MACROD2: variants seen among roughly 807,000 people sequenced by gnomAD.
MACROD2 encodes the protein ADP-ribose glycohydrolase MACROD2.
In MACROD2, 36 loss-of-function variants were observed where a neutral mutation model predicts 70.4. That is an observed-to-expected ratio of 0.51 (90% confidence interval 0.39 to 0.68). MACROD2 has a LOEUF of 0.68. MACROD2 is among the 30% of genes least tolerant of loss of function. MACROD2 has a pLI of 0.00. For synonymous variants in MACROD2, 172 were observed against 178.8 expected, an observed-to-expected ratio of 0.96 and a Z score of 0.30; for missense variants, 496 against 538.4, an observed-to-expected ratio of 0.92 and a Z score of 0.78.
Position 14,446,508 on chromosome 20 carries a change from GAACCT to G in MACROD2, c.272-46970_272-46966del, listed in dbSNP as rs1351865658. ...ATATTGCTTCTTGAGGAGCCAGGAT[GAACCT>G]GGAAGGAACTTTGGGACCCCATTTC... On this transcript the variant is annotated intron_variant, in intron 3 of 17. Coordinates refer to ENST00000684519, the MANE Select transcript of MACROD2 (RefSeq NM_001351661.2). Among the ~76,000 whole-genome samples, 71 of 152,170 alleles carry G rather than the reference GAACCT, an allele frequency of 4.7e-4. No homozygotes were observed. The Middle Eastern group carries it at 0.01, about 22-fold the overall frequency.
intron 5 of MACROD2, among the ~76,000 whole-genome samples, chr20:15,160,383 T>C: frequency 6.6e-6 from 1 of 152,126 alleles, no homozygotes; most frequent in East Asian, 1.9e-4. Context: ...AAAAACATTG[T>C]AGAAACCACT....
intron 12 of MACROD2, among the ~76,000 whole-genome samples, chr20:15,941,318 G>T (rs6074969): frequency 0.7 from 105,778 of 152,026 alleles, 37,093 homozygotes; most frequent in Non-Finnish European, 0.75. Context: ...TAGTATGCAA[G>T]CTTCTTTCAA....
intron 3 of MACROD2, among the ~76,000 whole-genome samples, chr20:14,436,900 G>A (rs947704825): frequency 1.3e-5 from 2 of 152,192 alleles, no homozygotes; most frequent in Non-Finnish European, 2.9e-5. Context: ...TAAGCACTCT[G>A]TAGATCTTAG....
chr20:15,703,599 C>A (rs1423198767), intron 8 of MACROD2, among the ~76,000 whole-genome samples: 4 of 152,186 alleles, frequency 2.6e-5, no homozygotes, highest in Non-Finnish European at 5.9e-5. Flanking sequence ...GTTCTTAACA[C>A]AATAATAGAT....
intron 15 of MACROD2, among the ~76,000 whole-genome samples, chr20:15,989,091 A>C (rs1421102115): frequency 6.6e-6 from 1 of 152,184 alleles, no homozygotes; most frequent in Non-Finnish European, 1.5e-5. Context: ...AAATTTAATA[A>C]GTAAAACGTG....
chr20:14,747,409 A>G (rs1411131996), intron 5 of MACROD2, among the ~76,000 whole-genome samples: 4 of 152,124 alleles, frequency 2.6e-5, no homozygotes, highest in African/African-American at 9.7e-5. Flanking sequence ...GGATGTAGTG[A>G]GGTCTTAGAA....
intron 5 of MACROD2, among the ~76,000 whole-genome samples, chr20:14,989,669 C>T (rs1872121608): frequency 1.3e-5 from 2 of 152,024 alleles, no homozygotes; most frequent in African/African-American, 2.4e-5. Flanking sequence ...GTTTCTAGAA[C>T]TGTCATAGCG....
At chr20:15,097,846 T>C (rs1463901928) in intron 5 of MACROD2, among the ~76,000 whole-genome samples, 1 of 152,176 alleles carries the variant, frequency 6.6e-6, no homozygotes. Flanking sequence ...TAAAAGGTAA[T>C]CTTGGGAATG....
chr20:14,460,047 A>G (rs937504118), intron 3 of MACROD2, among the ~76,000 whole-genome samples: 1 of 152,138 alleles, frequency 6.6e-6, no homozygotes, highest in Non-Finnish European at 1.5e-5. Context: ...CCTGCAAAGG[A>G]CATGAACTCA....
At chr20:14,383,355 T>G (rs981438211) in intron 3 of MACROD2, among the ~76,000 whole-genome samples, 4 of 151,836 alleles carry the variant, frequency 2.6e-5, no homozygotes, top group African/African-American at 9.7e-5. Context: ...TAGGAATAAA[T>G]AGTAAACAAA....
intron 4 of MACROD2, among the ~76,000 whole-genome samples, chr20:14,668,508 A>T (rs992238030): frequency 2.2e-4 from 33 of 152,180 alleles, no homozygotes; most frequent in African/African-American, 8.0e-4. Flanking sequence ...CTGAAAGCTC[A>T]CTGCACTTTT....
intron 15 of MACROD2, among the ~76,000 whole-genome samples, chr20:16,011,606 A>G (rs1208310541): frequency 6.6e-6 from 1 of 152,254 alleles, no homozygotes; most frequent in Admixed American, 6.5e-5. Flanking sequence ...TGGGAGAGCC[A>G]TCAGCCCCAG....
chr20:15,691,314 A>G (rs1411626680), intron 8 of MACROD2, among the ~76,000 whole-genome samples: 1 of 152,200 alleles, frequency 6.6e-6, no homozygotes, highest in Non-Finnish European at 1.5e-5. Context: ...GGTTATTTGT[A>G]AATTAATACA....
chr20:14,404,425 G>A (rs1315653064), intron 3 of MACROD2, among the ~76,000 whole-genome samples: 6 of 152,020 alleles, frequency 3.9e-5, no homozygotes, highest in Non-Finnish European at 8.8e-5. Flanking sequence ...CCAGAAGTTC[G>A]GGACCAGCTT....
At chr20:15,913,160 CTATTAT>C (rs924515360) in intron 10 of MACROD2, among the ~76,000 whole-genome samples, 2 of 151,844 alleles carry the variant, frequency 1.3e-5, no homozygotes, top group Admixed American at 6.6e-5. Context: ...GCTATTATCA[CTATTAT>C]TATTATTATT....
At chr20:15,384,761 T>C (rs1600330305) in intron 6 of MACROD2, among the ~76,000 whole-genome samples, 2 of 152,356 alleles carry the variant, frequency 1.3e-5, no homozygotes, top group East Asian at 3.9e-4. Flanking sequence ...TTATTTTGGC[T>C]TGTATGTGTG....
At chr20:14,903,760 TG>T (rs2073925887) in intron 5 of MACROD2, among the ~76,000 whole-genome samples, 1 of 151,960 alleles carries the variant, frequency 6.6e-6, no homozygotes, top group Non-Finnish European at 1.5e-5. Context: ...CCAGTAAGAG[TG>T]GGCAGATCTG....
chr20:15,733,142 T>C (rs1600819112), intron 8 of MACROD2, among the ~76,000 whole-genome samples: 1 of 152,310 alleles, frequency 6.6e-6, no homozygotes, highest in East Asian at 1.9e-4. Flanking sequence ...TTTGTGGGCA[T>C]AGAGTTTTTC....
intron 5 of MACROD2, among the ~76,000 whole-genome samples, chr20:14,691,738 T>C (rs766344849): frequency 9.9e-5 from 15 of 151,962 alleles, no homozygotes; most frequent in Non-Finnish European, 1.9e-4. Flanking sequence ...AGCAGTGGAG[T>C]GGACATGCTG....
Sources: gnomAD v4.1 joint callset for allele counts (sites outside exome capture counted in the v4.1 genomes callset) on GRCh38, gnomAD v4.1.1 for gene constraint, MANE v1.5 for transcripts, NCBI Gene and HGNC (gene_info 2026-07-23, HGNC 2026-07-21) for gene names.